MCUB: variants seen among roughly 807,000 people sequenced by gnomAD.
MCUB encodes calcium uniporter regulatory subunit MCUb, mitochondrial.
In MCUB, 46 loss-of-function variants were observed where a neutral mutation model predicts 41.4. The observed-to-expected ratio is 1.11, with a 90% confidence interval of 0.88 to 1.42. MCUB has a LOEUF of 1.42. MCUB is among the 40% of genes most tolerant of loss of function. The probability of loss-of-function intolerance (pLI) is 0.00; values close to 1 mark genes in which losing one functional copy is unlikely to be tolerated. For missense variants in MCUB, 403 were observed against 404.9 expected (o/e 1.00, Z 0.04); for synonymous variants, 148 against 148.2 (o/e 1.00, Z 0.01).
At chr4:109,681,228 C>T (rs941929725) in intron 4 of MCUB, among the ~76,000 whole-genome samples, 1 of 152,016 alleles carries the variant, frequency 6.6e-6, no homozygotes, top group African/African-American at 2.4e-5. Context: ...GCATCTTCTA[C>T]AAAGAATAAT....
chr4:109,561,754 G>A (rs1161832792), intron 1 of MCUB, among the ~76,000 whole-genome samples: 1 of 152,090 alleles, frequency 6.6e-6, no homozygotes, highest in Non-Finnish European at 1.5e-5. Context: ...ATTGTTTTTT[G>A]TTGTTGTTTT....
intron 4 of MCUB, chr4:109,681,332 T>C (rs1192482461): frequency 9.3e-5 from 29 of 312,848 alleles, no homozygotes; most frequent in South Asian, 6.4e-4. Flanking sequence ...TTAAAGGTAG[T>C]CAAAAGCTAC....
Position 109,652,115 on chromosome 4 carries a change from A to G in MCUB, c.100-6896A>G, listed in dbSNP as rs926684649. ...CACACCGTCTTTCTTCTGGGTGTAC[A>G]TGTCTGTCCAAATCACCACTTCTTG... is the stretch of plus-strand genomic sequence containing the variant. On this transcript the variant is annotated intron_variant, in intron 1 of 7. Coordinates refer to ENST00000394650, the MANE Select transcript of MCUB (RefSeq NM_017918.5). Among the ~76,000 whole-genome samples the G allele has an allele frequency of 5.3e-5, 8 of 152,290 alleles. No individual in the cohort carries two copies. The East Asian group carries it at 1.5e-3, about 29-fold the overall frequency.
chr4:109,570,091 A>G (rs1726879983), intron 1 of MCUB, among the ~76,000 whole-genome samples: 1 of 152,216 alleles, frequency 6.6e-6, no homozygotes, highest in Admixed American at 6.5e-5. Context: ...CACTACTTCC[A>G]TAAATAGAGC....
intron 1 of MCUB, among the ~76,000 whole-genome samples, chr4:109,579,940 T>C (rs929187374): frequency 1.3e-5 from 2 of 152,228 alleles, no homozygotes; most frequent in Non-Finnish European, 2.9e-5. Flanking sequence ...ACGTGCAGTT[T>C]GTTACATAGG....
In MCUB at chr4:109,560,253, G is replaced by A. The variant is rs1726586007; in HGVS notation, c.-85G>A. The A allele has an allele frequency of 1.5e-6, 1 of 655,962 alleles. No homozygotes were observed. Among genetic ancestry groups the A allele is most frequent in the Non-Finnish European group, 2.2e-6 (1 of 464,126 alleles). The allele number at this position is 655,962 out of a possible 1,614,324, so 40.6% of individuals were successfully genotyped here. Reference sequence around the variant, plus strand: ...GGCGGGGCGGGAGCGCCCACAGCTCGGAGCCACCAGGCGCTGACGAGGAGC... The same window carrying A: ...GGCGGGGCGGGAGCGCCCACAGCTCAGAGCCACCAGGCGCTGACGAGGAGC... On this transcript the variant is annotated 5_prime_UTR_variant, in exon 1 of 8. Transcript: ENST00000394650.
intron 4 of MCUB, among the ~76,000 whole-genome samples, chr4:109,675,888 T>C (rs1049603715): frequency 2.0e-5 from 3 of 152,218 alleles, no homozygotes; most frequent in African/African-American, 7.2e-5. Flanking sequence ...TCACCAAATA[T>C]GCCAACACCT....
intron 4 of MCUB, among the ~76,000 whole-genome samples, chr4:109,679,420 C>A (rs185869117): frequency 1.4e-3 from 208 of 152,302 alleles, no homozygotes; most frequent in African/African-American, 4.9e-3. Flanking sequence ...CCGAGGCGGG[C>A]AGATCACCTG....
intron 1 of MCUB, among the ~76,000 whole-genome samples, chr4:109,575,116 G>A (rs921460866): frequency 2.0e-5 from 3 of 152,110 alleles, no homozygotes; most frequent in Non-Finnish European, 4.4e-5. Context: ...TGTTCTCTGA[G>A]GTCCCTTGGG....
chr4:109,681,447 G>A, intron 4 of MCUB: 1 of 453,786 alleles, frequency 2.2e-6, no homozygotes, highest in Non-Finnish European at 4.4e-6. Flanking sequence ...AGTGTTACCG[G>A]GGGTCCTTGC....
intron 1 of MCUB, among the ~76,000 whole-genome samples, chr4:109,590,967 C>T (rs569177078): frequency 2.6e-5 from 4 of 152,278 alleles, no homozygotes; most frequent in South Asian, 4.2e-4. Context: ...ATTAGTTTCT[C>T]TTCATACCAC....
chr4:109,658,730 A>C (rs895219804), intron 1 of MCUB, among the ~76,000 whole-genome samples: 1 of 152,166 alleles, frequency 6.6e-6, no homozygotes, highest in African/African-American at 2.4e-5. Context: ...CTGAAAGTAA[A>C]AATTCTCACA....
rs1464158224 is a variant in MCUB at position 109,595,390 on chromosome 4, A to G, written c.99+34954A>G. ...TGGCTGTAAAAAAATGATAGCGTCA[A>G]TAAACTGGAAGACCTTATCATATCT... On this transcript the variant is annotated intron_variant, in intron 1 of 7. Coordinates refer to ENST00000394650, the MANE Select transcript of MCUB (RefSeq NM_017918.5). 3.9e-5 allele frequency among the ~76,000 whole-genome samples: 6 copies of G among 152,190 alleles called. No individual in the cohort carries two copies. The East Asian group carries it at 7.7e-4, about 19-fold the overall frequency.
intron 1 of MCUB, among the ~76,000 whole-genome samples, chr4:109,573,329 T>C (rs1475491491): frequency 3.3e-5 from 5 of 151,968 alleles, no homozygotes; most frequent in African/African-American, 4.8e-5. Flanking sequence ...GGTGGGCACC[T>C]GTAGTCCCCA....
intron 1 of MCUB, among the ~76,000 whole-genome samples, chr4:109,571,395 C>T (rs1253410182): frequency 6.6e-6 from 1 of 152,168 alleles, no homozygotes; most frequent in East Asian, 1.9e-4. Flanking sequence ...TCACTGCAAC[C>T]TCCGCCTCCC....
intron 1 of MCUB, among the ~76,000 whole-genome samples, chr4:109,585,808 C>G (rs548533100): frequency 2.6e-5 from 4 of 152,150 alleles, no homozygotes; most frequent in Admixed American, 6.5e-5. Flanking sequence ...GAGTTTCTGC[C>G]GAGAGATCGG....
intron 1 of MCUB, among the ~76,000 whole-genome samples, chr4:109,607,224 TC>T (rs1727899902): frequency 6.6e-6 from 1 of 151,930 alleles, no homozygotes; most frequent in African/African-American, 2.4e-5. Context: ...TTTCTTTCTT[TC>T]TTTCTTTTCT....
Position 109,654,866 on chromosome 4 carries a change from A to G in MCUB, c.100-4145A>G, listed in dbSNP as rs920881706. On this transcript the variant is annotated intron_variant, in intron 1 of 7. Coordinates refer to ENST00000394650, the MANE Select transcript of MCUB (RefSeq NM_017918.5). ...GATATTTTCCTCATACCAACAACCA[A>G]TTCTCCAACTTTCCAAACACCATCT... 3.3e-5 allele frequency among the ~76,000 whole-genome samples: 5 copies of G among 152,178 alleles called. No homozygotes were observed. The South Asian group carries it at 8.3e-4, about 25-fold the overall frequency.
intron 1 of MCUB, among the ~76,000 whole-genome samples, chr4:109,601,477 A>T (rs1171995903): frequency 6.6e-6 from 1 of 152,182 alleles, no homozygotes; most frequent in Non-Finnish European, 1.5e-5. Flanking sequence ...AGCTCCCACG[A>T]ATATGATAAC....
Sources: allele counts gnomAD v4.1 joint callset (sites outside exome capture counted in the v4.1 genomes callset), GRCh38; gene constraint gnomAD v4.1.1; transcripts MANE v1.5; gene names NCBI Gene and HGNC (gene_info 2026-07-23, HGNC 2026-07-21).